The following FRY variants were observed in gnomAD, a reference collection of about 807,000 sequenced individuals.
FRY encodes protein furry homolog.
Under a neutral mutation model 348.4 loss-of-function variants are expected in FRY, and 128 were observed. The ratio of observed to expected loss-of-function variants is 0.37; its 90% CI spans 0.32 to 0.43. FRY has a LOEUF of 0.43. FRY is among the 20% of genes least tolerant of loss of function. The pLI is 1.00. For missense variants in FRY, 2,736 were observed against 3,695.2 expected, an observed-to-expected ratio of 0.74 and a Z score of 6.73; for synonymous variants, 1,370 against 1,374.7, an observed-to-expected ratio of 1.00 and a Z score of 0.08.
intron 7 of FRY, 122 bp downstream of exon 7, chr13:32,124,997 T>C: frequency 2.6e-6 from 2 of 765,854 alleles, no homozygotes; most frequent in South Asian, 1.4e-5. Flanking sequence ...TTGCCATGTG[T>C]GCCCCATCTC....
chr13:32,046,931 G>C (rs536664907), intron 1 of FRY, among the ~76,000 whole-genome samples: 1 of 152,086 alleles, frequency 6.6e-6, no homozygotes, highest in African/African-American at 2.4e-5. Context: ...GGACTGTTAC[G>C]ATCATGTGCT....
At chr13:32,210,167 T>C (rs1884604510) in intron 33 of FRY, among the ~76,000 whole-genome samples, 1 of 152,202 alleles carries the variant, frequency 6.6e-6, no homozygotes, top group South Asian at 2.1e-4. Flanking sequence ...ATTCAAGTGG[T>C]AGAAGAGAGA....
rs949131723 is a variant in FRY, at chr13:32,229,866, A to G, written c.5405+1212A>G. Among the ~76,000 whole-genome samples, 57 of 152,350 alleles carry G rather than the reference A, an allele frequency of 3.7e-4. 1 individual carries two copies. The highest frequency in any genetic ancestry group is 1.4e-3 in the African/African-American group (57 of 41,578). On this transcript the variant is annotated intron_variant, in intron 40 of 60. Transcript: ENST00000542859. ...CTTAACATTTGATATCATTTTACTT[A>G]ACAAACAAACATGTAGCACTTATGA...
At chr13:32,077,290 A>G (rs985564920) in intron 1 of FRY, among the ~76,000 whole-genome samples, 19 of 152,224 alleles carry the variant, frequency 1.2e-4, no homozygotes, top group Admixed American at 8.5e-4. Flanking sequence ...AAAGCCATGC[A>G]AAAGAAAGAT....
intron 34 of FRY, among the ~76,000 whole-genome samples, chr13:32,211,712 T>C (rs199911484): frequency 6.6e-6 from 1 of 152,174 alleles, no homozygotes; most frequent in East Asian, 1.9e-4. Flanking sequence ...TTTTGGTTAA[T>C]TGGTGTCTCA....
chr13:32,238,263 G>A (rs924029381), intron 44 of FRY, among the ~76,000 whole-genome samples: 1 of 151,534 alleles, frequency 6.6e-6, no homozygotes, highest in Non-Finnish European at 1.5e-5. Flanking sequence ...TGCAGGTGCT[G>A]TTAGTTTATT....
chr13:32,082,555 A>G (rs953128378), intron 2 of FRY, among the ~76,000 whole-genome samples: 2 of 152,214 alleles, frequency 1.3e-5, no homozygotes, highest in African/African-American at 2.4e-5. Context: ...AATGGATACA[A>G]TTCCTTCTTG....
At chr13:32,175,856 A>G (rs1490090366) in intron 20 of FRY, among the ~76,000 whole-genome samples, 1 of 152,208 alleles carries the variant, frequency 6.6e-6, no homozygotes, top group Non-Finnish European at 1.5e-5. Context: ...TAATATTTTT[A>G]AACAACAGTT....
At chr13:32,115,285 T>C (rs2138685148) in intron 3 of FRY, among the ~76,000 whole-genome samples, 1 of 152,342 alleles carries the variant, frequency 6.6e-6, no homozygotes, top group Non-Finnish European at 1.5e-5. Flanking sequence ...CCCGGCCTGC[T>C]TAACTGCAGA....
chr13:32,111,367 G>C (rs1433971167), intron 3 of FRY, among the ~76,000 whole-genome samples: 1 of 152,014 alleles, frequency 6.6e-6, no homozygotes, highest in East Asian at 1.9e-4. Context: ...GTGGTGGTGT[G>C]TGCCTGTAGT....
At chr13:32,238,474 G>A (rs1320423554) in intron 44 of FRY, among the ~76,000 whole-genome samples, 3 of 151,612 alleles carry the variant, frequency 2.0e-5, no homozygotes, top group Admixed American at 2.0e-4. Context: ...TGTTTTTTGA[G>A]ACAGAGTCTT....
intron 16 of FRY, among the ~76,000 whole-genome samples, chr13:32,157,745 T>C (rs1881197159): frequency 6.6e-6 from 1 of 152,184 alleles, no homozygotes; most frequent in South Asian, 2.1e-4. Context: ...AGACATTCCA[T>C]CTTTATACAT....
rs999707696 is a variant in FRY at position 32,155,825 on chromosome 13, T to A, written c.1651+163T>A. On this transcript the variant is annotated intron_variant, in intron 15 of 60. Coordinates refer to ENST00000542859, the MANE Select transcript of FRY (RefSeq NM_023037.3). Reference sequence around the variant, plus strand: ...GATTGATTCATGCTGTGTTTTGTTTTACTGCTCTTTAAACTTTTTAGAACT... The same window carrying A: ...GATTGATTCATGCTGTGTTTTGTTTAACTGCTCTTTAAACTTTTTAGAACT... Among the ~76,000 whole-genome samples the A allele has an allele frequency of 3.9e-5, 6 of 152,214 alleles. No homozygotes were observed. The East Asian group carries it at 1.2e-3, about 29-fold the overall frequency.
At chr13:32,168,898 G>C (rs1360078390) in intron 17 of FRY, among the ~76,000 whole-genome samples, 1 of 152,144 alleles carries the variant, frequency 6.6e-6, no homozygotes, top group Admixed American at 6.5e-5. Flanking sequence ...TGATAACTGG[G>C]GTGACTTGTG....
chr13:32,223,079 G>A (rs553079629), intron 36 of FRY, among the ~76,000 whole-genome samples: 148 of 152,152 alleles, frequency 9.7e-4, no homozygotes, highest in African/African-American at 3.4e-3. Context: ...TCAGCCTCCT[G>A]TGTAGCTGGG....
chr13:32,148,673 T>C lies in FRY; in HGVS notation c.1392+726T>C, dbSNP rs190096555. Among the ~76,000 whole-genome samples the C allele has an allele frequency of 1.7e-3, 260 of 152,332 alleles. 1 individual carries two copies. The highest frequency in any genetic ancestry group is 0.016 in the South Asian group (79 of 4,826). ...CCTTAAACAAGTCAGAGAACATCTT[T>C]TTTCTGTGTCTTTATCTGTAAAATG... On this transcript the variant is annotated intron_variant, in intron 13 of 60. Coordinates refer to ENST00000542859, the MANE Select transcript of FRY (RefSeq NM_023037.3).
intron 7 of FRY, 89 bp from the exon 8 acceptor site, chr13:32,131,583 T>C: frequency 1.2e-6 from 1 of 864,858 alleles, no homozygotes; most frequent in Non-Finnish European, 2.0e-6. Flanking sequence ...ATTCCATTGC[T>C]CTGCTCAATC....
At chr13:32,049,356 T>G (rs1160342289) in intron 1 of FRY, among the ~76,000 whole-genome samples, 4 of 152,130 alleles carry the variant, frequency 2.6e-5, no homozygotes, top group Non-Finnish European at 5.9e-5. Flanking sequence ...CAAAGGCAAG[T>G]TGGGTCAGAT....
chr13:32,136,919 C>G lies in FRY; in HGVS notation c.1126C>G (p.Leu376Val), dbSNP rs1349628681. 1.2e-6 allele frequency: 2 copies of G among 1,611,476 alleles called. No individual in the cohort carries two copies. The highest frequency in any genetic ancestry group is 2.2e-5 in the South Asian group (2 of 91,026). The change falls in exon 11 of 61, where the codon CTG becomes GTG. Residue 376 changes from leucine (L) to valine (V), a missense_variant. Leu to Val is a conservative substitution (Grantham distance 32). Around this residue, in one of 9 missense-constraint regions of FRY, gnomAD observed 191 missense variants for 370.2 expected, o/e 0.52. Transcript: ENST00000542859. ...TCLLCVSQKQ[L>V]FLNRWHIFLN... ...TTTGCTCTGTGTCAGTCAGAAGCAG[C>G]TGTTCCTGAACAGGTGGCACATTTT...
Sources: allele counts gnomAD v4.1 joint callset (sites outside exome capture counted in the v4.1 genomes callset), GRCh38; gene constraint gnomAD v4.1.1; regional missense constraint gnomAD v4.1.1; transcripts MANE v1.5; gene names NCBI Gene and HGNC (gene_info 2026-07-23, HGNC 2026-07-21).